Variants in SLC10A7 observed in about 807,000 individuals in gnomAD.
SLC10A7 encodes the protein sodium/bile acid cotransporter 7.
A neutral mutation model predicts 43.2 loss-of-function variants in SLC10A7; 29 were observed. That is an observed-to-expected ratio of 0.67 (90% CI 0.50 to 0.92). The LOEUF is 0.92. Among genes scored for constraint, SLC10A7 ranks in the 40% least tolerant of loss-of-function variants. The probability of loss-of-function intolerance (pLI) is 0.00; values close to 1 mark genes in which losing one functional copy is unlikely to be tolerated. For synonymous variants in SLC10A7, 152 were observed against 144.8 expected (o/e 1.05, Z -0.35); for missense variants, 295 against 403.2 (o/e 0.73, Z 2.30).
At chr4:146,373,855 A>G (rs1438092522) in intron 5 of SLC10A7, among the ~76,000 whole-genome samples, 1 of 152,226 alleles carries the variant, frequency 6.6e-6, no homozygotes, top group East Asian at 1.9e-4. Context: ...TTTGGATGCC[A>G]GGAGACAGGC....
intron 5 of SLC10A7, among the ~76,000 whole-genome samples, chr4:146,388,845 T>C (rs1738208116): frequency 6.6e-6 from 1 of 150,484 alleles, no homozygotes; most frequent in Non-Finnish European, 1.5e-5. Flanking sequence ...AAAGAATTCA[T>C]GACTAAGTCC....
At chr4:146,384,485 T>C (rs1737850520) in intron 5 of SLC10A7, among the ~76,000 whole-genome samples, 1 of 152,120 alleles carries the variant, frequency 6.6e-6, no homozygotes, top group African/African-American at 2.4e-5. Context: ...GTATTCTTTG[T>C]GCCTAGCCCA....
chr4:146,349,349 T>TA (rs972972550), intron 5 of SLC10A7, among the ~76,000 whole-genome samples: 6 of 151,982 alleles, frequency 3.9e-5, no homozygotes, highest in African/African-American at 1.4e-4. Flanking sequence ...ATTATTAAAG[T>TA]AAAAAACAAC....
intron 4 of SLC10A7, 141 bp downstream of exon 4, chr4:146,503,708 G>C: frequency 1.5e-6 from 1 of 680,886 alleles, no homozygotes; most frequent in Non-Finnish European, 2.6e-6. Context: ...GCTAGTATGT[G>C]AGTACACCTC....
At chr4:146,478,909 G>C (rs964247993) in intron 4 of SLC10A7, among the ~76,000 whole-genome samples, 2 of 151,872 alleles carry the variant, frequency 1.3e-5, no homozygotes, top group African/African-American at 4.8e-5. Flanking sequence ...TTTTTCCCAA[G>C]AAAACAAAAA....
chr4:146,473,173 G>A (rs1463214432), intron 4 of SLC10A7, among the ~76,000 whole-genome samples: 1 of 152,186 alleles, frequency 6.6e-6, no homozygotes, highest in East Asian at 1.9e-4. Context: ...CTTTGTGCAT[G>A]CTGATTCCAA....
chr4:146,311,584 C>T (rs1731980284), intron 6 of SLC10A7, among the ~76,000 whole-genome samples: 1 of 152,088 alleles, frequency 6.6e-6, no homozygotes, highest in African/African-American at 2.4e-5. Context: ...GCACCACATT[C>T]AGGGAAAAAT....
chr4:146,470,923 A>G (rs1440059933), intron 4 of SLC10A7, among the ~76,000 whole-genome samples: 1 of 152,236 alleles, frequency 6.6e-6, no homozygotes, highest in Non-Finnish European at 1.5e-5. Context: ...ATCTTTACAT[A>G]TATCACTTCA....
chr4:146,488,428 G>A (rs1043386410), intron 4 of SLC10A7, among the ~76,000 whole-genome samples: 5 of 152,142 alleles, frequency 3.3e-5, no homozygotes, highest in African/African-American at 1.2e-4. Context: ...GTCTTCTAAT[G>A]TGCAAATCAT....
intron 5 of SLC10A7, among the ~76,000 whole-genome samples, chr4:146,386,645 C>G (rs1738018313): frequency 6.6e-6 from 1 of 152,174 alleles, no homozygotes; most frequent in Admixed American, 6.5e-5. Context: ...CTATATCATG[C>G]ATTTACTCTT....
chr4:146,315,179 A>G (rs530789677), intron 6 of SLC10A7, among the ~76,000 whole-genome samples: 46 of 152,228 alleles, frequency 3.0e-4, no homozygotes, highest in African/African-American at 1.0e-3. Context: ...TGCTTGATCA[A>G]CTGTCCTAGT....
intron 4 of SLC10A7, among the ~76,000 whole-genome samples, chr4:146,475,548 T>C (rs538787154): frequency 2.6e-5 from 4 of 152,318 alleles, no homozygotes; most frequent in South Asian, 4.1e-4. Flanking sequence ...TGCTACGCAC[T>C]GGAGAAAGGA....
intron 5 of SLC10A7, among the ~76,000 whole-genome samples, chr4:146,433,163 CTTTT>C (rs760409464): frequency 7.2e-6 from 1 of 138,470 alleles, no homozygotes. Flanking sequence ...TATTCTCTAG[CTTTT>C]TTTTTTTTTT....
chr4:146,501,586 A>G (rs1198794422), intron 4 of SLC10A7, among the ~76,000 whole-genome samples: 4 of 152,234 alleles, frequency 2.6e-5, no homozygotes, highest in Non-Finnish European at 4.4e-5. Flanking sequence ...ACAAGACAGT[A>G]GAGCCTCCAA....
At chr4:146,495,052 T>G (rs1222423585) in intron 4 of SLC10A7, among the ~76,000 whole-genome samples, 1 of 152,224 alleles carries the variant, frequency 6.6e-6, no homozygotes, top group Non-Finnish European at 1.5e-5. Flanking sequence ...GCATAGAATT[T>G]CTTGCTGTTG....
intron 5 of SLC10A7, among the ~76,000 whole-genome samples, chr4:146,356,794 C>G (rs923788917): frequency 6.6e-6 from 1 of 152,162 alleles, no homozygotes; most frequent in African/African-American, 2.4e-5. Flanking sequence ...TGGCACAAAA[C>G]AAGCCTTCAA....
chr4:146,259,546 A>G (rs766439576), intron 10 of SLC10A7, among the ~76,000 whole-genome samples: 2 of 152,192 alleles, frequency 1.3e-5, no homozygotes, highest in Non-Finnish European at 2.9e-5. Context: ...GGTTGCAGTG[A>G]GCTGAGATTG....
chr4:146,275,993 C>A (rs1363582202), intron 10 of SLC10A7, among the ~76,000 whole-genome samples: 1 of 152,088 alleles, frequency 6.6e-6, no homozygotes, highest in Non-Finnish European at 1.5e-5. Flanking sequence ...ATCCTCCCAA[C>A]AGTAGCTGGA....
At chr4:146,370,291 A>G (rs751479284) in intron 5 of SLC10A7, among the ~76,000 whole-genome samples, 3 of 152,200 alleles carry the variant, frequency 2.0e-5, no homozygotes, top group Non-Finnish European at 4.4e-5. Flanking sequence ...AATAAAAAAA[A>G]TCCTTCAGAA....
Sources: allele counts gnomAD v4.1 joint callset (sites outside exome capture counted in the v4.1 genomes callset), GRCh38; gene constraint gnomAD v4.1.1; transcripts MANE v1.5; gene names NCBI Gene and HGNC (gene_info 2026-07-23, HGNC 2026-07-21).